Variants in GPR158 observed in about 807,000 individuals in gnomAD.
The protein encoded by GPR158 is metabotropic glycine receptor.
A neutral mutation model predicts 78.2 loss-of-function variants in GPR158; 30 were observed. The ratio of observed to expected loss-of-function variants is 0.38; its 90% CI spans 0.29 to 0.52. The LOEUF (loss-of-function observed/expected upper bound fraction) is 0.52. GPR158 is among the 20% of genes least tolerant of loss of function. The pLI is 0.83. For missense variants in GPR158, 1,463 were observed against 1,523.5 expected, an observed-to-expected ratio of 0.96 and a Z score of 0.66; for synonymous variants, 581 against 591.1, an observed-to-expected ratio of 0.98 and a Z score of 0.25.
At chr10:25,279,738 A>G (rs889006500) in intron 2 of GPR158, among the ~76,000 whole-genome samples, 1 of 152,296 alleles carries the variant, frequency 6.6e-6, no homozygotes, top group African/African-American at 2.4e-5. Flanking sequence ...CAGGCAGTCA[A>G]TTTTTAAAGG....
At chr10:25,428,751 A>T (rs1190475039) in intron 4 of GPR158, among the ~76,000 whole-genome samples, 1 of 152,052 alleles carries the variant, frequency 6.6e-6, no homozygotes, top group East Asian at 1.9e-4. Flanking sequence ...AAGACAAGTA[A>T]TAATTAATAA....
At chr10:25,422,095 C>G (rs1022078587) in intron 4 of GPR158, among the ~76,000 whole-genome samples, 1 of 152,162 alleles carries the variant, frequency 6.6e-6, no homozygotes, top group Non-Finnish European at 1.5e-5. Flanking sequence ...TCACACCTGA[C>G]CATTCACCCA....
At chr10:25,480,375 G>T (rs1052997831) in intron 5 of GPR158, among the ~76,000 whole-genome samples, 2 of 152,080 alleles carry the variant, frequency 1.3e-5, no homozygotes, top group African/African-American at 4.8e-5. Context: ...TATTTTAAAT[G>T]CAAAATTCAG....
At chr10:25,540,114 C>A (rs1034572478) in intron 5 of GPR158, among the ~76,000 whole-genome samples, 3 of 152,034 alleles carry the variant, frequency 2.0e-5, no homozygotes, top group Non-Finnish European at 4.4e-5. Flanking sequence ...GAAACAACCC[C>A]ATCAATAAGT....
chr10:25,268,996 A>G (rs1854080656), intron 2 of GPR158, among the ~76,000 whole-genome samples: 1 of 152,228 alleles, frequency 6.6e-6, no homozygotes, highest in South Asian at 2.1e-4. Context: ...GTGCCTTTAA[A>G]GCAAATTACA....
intron 2 of GPR158, among the ~76,000 whole-genome samples, chr10:25,341,698 CA>C (rs1855304725): frequency 6.6e-6 from 1 of 151,810 alleles, no homozygotes; most frequent in African/African-American, 2.4e-5. Context: ...CCTTCACTTT[CA>C]TAAACTATTA....
intron 2 of GPR158, among the ~76,000 whole-genome samples, chr10:25,316,997 C>T (rs148118197): frequency 6.2e-4 from 93 of 150,416 alleles, no homozygotes; most frequent in African/African-American, 1.9e-3. Context: ...TTATACATAT[C>T]CATTCTTTGC....
At chr10:25,508,464 T>A (rs967268379) in intron 5 of GPR158, among the ~76,000 whole-genome samples, 1 of 152,202 alleles carries the variant, frequency 6.6e-6, no homozygotes, top group Non-Finnish European at 1.5e-5. Context: ...GGGTGGAGTT[T>A]TAACATTAAA....
chr10:25,242,615 A>G (rs1853641602), intron 2 of GPR158, among the ~76,000 whole-genome samples: 1 of 152,218 alleles, frequency 6.6e-6, no homozygotes, highest in African/African-American at 2.4e-5. Flanking sequence ...CTCTCTTCAG[A>G]TAATGCTTTC....
chr10:25,341,518 A>G (rs1855302305), intron 2 of GPR158, among the ~76,000 whole-genome samples: 1 of 152,002 alleles, frequency 6.6e-6, no homozygotes, highest in African/African-American at 2.4e-5. Flanking sequence ...TGAAATAATA[A>G]ATAATGGATC....
chr10:25,528,738 G>A (rs1836384377), intron 5 of GPR158, among the ~76,000 whole-genome samples: 1 of 152,084 alleles, frequency 6.6e-6, no homozygotes, highest in Non-Finnish European at 1.5e-5. Flanking sequence ...AAACCCCAGC[G>A]GGCTTTTCTT....
At chr10:25,581,902 A>T (rs919204540) in intron 7 of GPR158, among the ~76,000 whole-genome samples, 2 of 152,206 alleles carry the variant, frequency 1.3e-5, no homozygotes, top group Non-Finnish European at 2.9e-5. Context: ...TTAAAAAAAA[A>T]GTTTAATGGA....
intron 1 of GPR158, among the ~76,000 whole-genome samples, chr10:25,185,955 T>G (rs1322698653): frequency 6.6e-6 from 1 of 152,170 alleles, no homozygotes; most frequent in African/African-American, 2.4e-5. Context: ...ATTCCAAAAT[T>G]GACCACATAG....
chr10:25,204,343 G>A (rs1852984315), intron 1 of GPR158, among the ~76,000 whole-genome samples: 1 of 152,122 alleles, frequency 6.6e-6, no homozygotes, highest in Non-Finnish European at 1.5e-5. Context: ...GTTTTCAAAG[G>A]GAAAGCTTCC....
intron 6 of GPR158, among the ~76,000 whole-genome samples, chr10:25,560,930 T>G (rs1456846267): frequency 2.0e-5 from 3 of 152,220 alleles, no homozygotes; most frequent in African/African-American, 7.2e-5. Flanking sequence ...CTTTCCCTTG[T>G]GATATCTCTA....
At chr10:25,374,482 A>G (rs1426569569) in intron 2 of GPR158, among the ~76,000 whole-genome samples, 1 of 151,764 alleles carries the variant, frequency 6.6e-6, no homozygotes, top group African/African-American at 2.4e-5. Context: ...TCACAAATGT[A>G]GGTTTGTATA....
chr10:25,304,891 T>C (rs1854648314), intron 2 of GPR158, among the ~76,000 whole-genome samples: 1 of 152,216 alleles, frequency 6.6e-6, no homozygotes, highest in African/African-American at 2.4e-5. Context: ...GATTCTTGCA[T>C]AGCCTCTTTA....
At chr10:25,522,105 A>C (rs1255706565) in intron 5 of GPR158, among the ~76,000 whole-genome samples, 1 of 152,212 alleles carries the variant, frequency 6.6e-6, no homozygotes, top group Non-Finnish European at 1.5e-5. Context: ...TGGTGTAGCC[A>C]GTTGTGTGAC....
intron 2 of GPR158, among the ~76,000 whole-genome samples, chr10:25,339,026 T>TC (rs1056211849): frequency 1.3e-5 from 2 of 151,398 alleles, no homozygotes; most frequent in African/African-American, 4.8e-5. Flanking sequence ...CTTTCTTTTT[T>TC]TTTTTTTTTT....
Sources: allele counts gnomAD v4.1 joint callset (sites outside exome capture counted in the v4.1 genomes callset), GRCh38; gene constraint gnomAD v4.1.1; transcripts MANE v1.5; gene names NCBI Gene and HGNC (gene_info 2026-07-23, HGNC 2026-07-21).